RUNX1: variants seen among roughly 807,000 people sequenced by gnomAD.
The protein encoded by RUNX1 is RUNX family transcription factor 1.
RUNX1 carries 19 observed loss-of-function variants against 42.8 expected under a neutral mutation model. That is an observed-to-expected ratio of 0.44 (90% CI 0.31 to 0.65). The LOEUF is 0.65. Among genes scored for constraint, RUNX1 ranks in the 30% least tolerant of loss-of-function variants. RUNX1 has a pLI of 0.07. For synonymous variants in RUNX1, 271 were observed against 289.4 expected (o/e 0.94, Z 0.64); for missense variants, 528 against 672.0 (o/e 0.79, Z 2.37).
At chr21:35,001,149 A>G (rs2059039037) in intron 2 of RUNX1, among the ~76,000 whole-genome samples, 3 of 151,936 alleles carry the variant, frequency 2.0e-5, no homozygotes, top group African/African-American at 7.3e-5. Context: ...CCGTCTCTAT[A>G]ATTTTTTTTA....
Position 34,792,499 on chromosome 21 carries a change from ACCGGCGTCGGGGAGT to A in RUNX1, c.1064_1078del (p.Tyr355_Val360delinsPhe). On this transcript the variant is annotated inframe_deletion, in exon 9 of 9. Transcript: ENST00000675419. This position sits in a 1 kb window ranked among gnomAD's most constrained non-coding sequence, Gnocchi z 6.9. ...CATGCCGATGCCGATGCCCGAGGTGACCGGCGTCGGGGAGTAGGTGAAGGCGCCTGGATAGTGCAT... is the reference window on the plus strand; with the variant it reads ...CATGCCGATGCCGATGCCCGAGGTGAAGGTGAAGGCGCCTGGATAGTGCAT... 1 of 1,597,286 alleles carries A rather than the reference ACCGGCGTCGGGGAGT, an allele frequency of 6.3e-7. No homozygotes were observed. Among genetic ancestry groups the A allele is most frequent in the Non-Finnish European group, 8.5e-7 (1 of 1,172,018 alleles).
intron 2 of RUNX1, among the ~76,000 whole-genome samples, chr21:34,930,796 G>A (rs2058438638): frequency 6.6e-6 from 1 of 151,758 alleles, no homozygotes; most frequent in Non-Finnish European, 1.5e-5. Flanking sequence ...AAAAGACAAG[G>A]AAGAAAACTG....
intron 6 of RUNX1, among the ~76,000 whole-genome samples, chr21:34,837,596 G>GC (rs1179458742): frequency 6.6e-6 from 1 of 152,072 alleles, no homozygotes; most frequent in Non-Finnish European, 1.5e-5. Context: ...AGGCTCATTT[G>GC]CCCCCCGAAT....
At chr21:34,951,721 G>T (rs2058609427) in intron 2 of RUNX1, among the ~76,000 whole-genome samples, 1 of 152,260 alleles carries the variant, frequency 6.6e-6, no homozygotes, top group South Asian at 2.1e-4. Flanking sequence ...AAAAAGTCAG[G>T]AAACAACAGA....
At chr21:35,003,609 T>A (rs1171150021) in intron 2 of RUNX1, among the ~76,000 whole-genome samples, 1 of 152,148 alleles carries the variant, frequency 6.6e-6, no homozygotes, top group Non-Finnish European at 1.5e-5. Context: ...ACTGACCTCA[T>A]GAAGCCATGA....
intron 2 of RUNX1, among the ~76,000 whole-genome samples, chr21:34,969,035 T>A (rs1232749280): frequency 6.6e-6 from 1 of 152,166 alleles, no homozygotes; most frequent in Admixed American, 6.5e-5. Context: ...CTTTTCCTAT[T>A]ACAGGTCTCC....
At chr21:35,045,859 G>A (rs57155399) in intron 2 of RUNX1, among the ~76,000 whole-genome samples, 11,996 of 152,074 alleles carry the variant, frequency 0.079, 1,318 homozygotes, top group African/African-American at 0.24. Context: ...AACTTGAACC[G>A]CTGAGAAGAC....
intron 5 of RUNX1, among the ~76,000 whole-genome samples, chr21:34,868,583 C>G (rs1345706757): frequency 6.6e-6 from 1 of 152,200 alleles, no homozygotes; most frequent in Non-Finnish European, 1.5e-5. Context: ...CATGCCTCCA[C>G]CGGGTTAGTC....
At chr21:34,885,605 T>C (rs1377610254) in intron 4 of RUNX1, among the ~76,000 whole-genome samples, 2 of 152,220 alleles carry the variant, frequency 1.3e-5, no homozygotes, top group Non-Finnish European at 2.9e-5. Flanking sequence ...GTGTGGAAAC[T>C]GTATAAAGCT....
intron 2 of RUNX1, among the ~76,000 whole-genome samples, chr21:35,044,496 T>G (rs1180402106): frequency 1.3e-5 from 2 of 152,354 alleles, no homozygotes; most frequent in Non-Finnish European, 2.9e-5. Flanking sequence ...CAGGTACTAT[T>G]GCAATCCTTA....
At chr21:34,859,349 G>A (rs776682716) in intron 6 of RUNX1, 125 bp downstream of exon 6, 149 of 809,706 alleles carry the variant, frequency 1.8e-4, no homozygotes, top group Admixed American at 8.2e-4. Flanking sequence ...TTGGCTTTAC[G>A]GGGGCCTGAC....
intron 3 of RUNX1, chr21:34,888,247 C>CA: frequency 9.4e-7 from 1 of 1,067,170 alleles, no homozygotes; most frequent in Non-Finnish European, 1.1e-6. Flanking sequence ...CGCGTAACCG[C>CA]AGCAGGTGGA....
chr21:35,021,862 T>A (rs970052241), intron 2 of RUNX1, among the ~76,000 whole-genome samples: 2 of 152,122 alleles, frequency 1.3e-5, no homozygotes, highest in Non-Finnish European at 2.9e-5. Context: ...TCTCAATCTC[T>A]CCCATTGGAT....
intron 7 of RUNX1, among the ~76,000 whole-genome samples, chr21:34,819,423 T>A (rs1377419360): frequency 6.6e-6 from 1 of 152,186 alleles, no homozygotes; most frequent in Non-Finnish European, 1.5e-5. Context: ...AATTCTTAGA[T>A]AAGTTTCATT....
chr21:34,879,759 T>C lies in RUNX1; in HGVS notation c.508+798A>G, dbSNP rs75139735. Among the ~76,000 whole-genome samples the C allele has an allele frequency of 8.2e-3, 1,250 of 152,256 alleles. 12 individuals are homozygous for C. The highest frequency in any genetic ancestry group is 0.028 in the African/African-American group (1,170 of 41,558). ...ATAAAATATGATTTGGTTCTTACAA[T>C]GTAAAGAAAACATAATACTTGAAAA... On this transcript the variant is annotated intron_variant, in intron 5 of 8. Coordinates refer to ENST00000675419, the MANE Select transcript of RUNX1 (RefSeq NM_001754.5).
intron 6 of RUNX1, among the ~76,000 whole-genome samples, chr21:34,837,618 G>A (rs912609668): frequency 6.6e-6 from 1 of 152,182 alleles, no homozygotes; most frequent in Non-Finnish European, 1.5e-5. Flanking sequence ...TTAAATAGAG[G>A]AGTATGGAAA....
intron 2 of RUNX1, among the ~76,000 whole-genome samples, chr21:35,029,100 T>C (rs1279304761): frequency 6.6e-6 from 1 of 152,188 alleles, no homozygotes; most frequent in Non-Finnish European, 1.5e-5. Flanking sequence ...GAGCTCTTGG[T>C]GGCCTCTCTC....
At chr21:34,807,005 G>T (rs1486460299) in intron 7 of RUNX1, among the ~76,000 whole-genome samples, 1 of 151,980 alleles carries the variant, frequency 6.6e-6, no homozygotes, top group East Asian at 1.9e-4. Context: ...ACATATATTA[G>T]AAAAGAAAGA....
rs2058174867 is a variant in RUNX1, at chr21:34,901,237, C to T, written c.59-8274G>A. 6.6e-6 allele frequency among the ~76,000 whole-genome samples: 1 copy of T among 152,048 alleles called. No individual in the cohort carries two copies. Among genetic ancestry groups the T allele is most frequent in the Non-Finnish European group, 1.5e-5 (1 of 68,018 alleles). On this transcript the variant is annotated intron_variant, in intron 2 of 8. Coordinates refer to ENST00000675419, the MANE Select transcript of RUNX1 (RefSeq NM_001754.5). This position sits in a 1 kb window ranked among gnomAD's most constrained non-coding sequence, Gnocchi z 4.3. Reference sequence around the variant, plus strand: ...GCAAAGATAACAGTTTCTGGCTGGTCACGGTGGGTCACGCCTGTAATCCCA... The same window carrying T: ...GCAAAGATAACAGTTTCTGGCTGGTTACGGTGGGTCACGCCTGTAATCCCA...
Sources: gnomAD v4.1 joint callset for allele counts (sites outside exome capture counted in the v4.1 genomes callset) on GRCh38, gnomAD v4.1.1 for gene constraint, Gnocchi (gnomAD v3.1) non-coding constraint, MANE v1.5 for transcripts, NCBI Gene and HGNC (gene_info 2026-07-23, HGNC 2026-07-21) for gene names.